DDX19B: variants seen among roughly 807,000 people sequenced by gnomAD.
The protein encoded by DDX19B is ATP-dependent RNA helicase DDX19B.
A neutral mutation model predicts 58.1 loss-of-function variants in DDX19B; 27 were observed. The ratio of observed to expected loss-of-function variants is 0.46; its 90% CI spans 0.34 to 0.64. The LOEUF (loss-of-function observed/expected upper bound fraction) is 0.64. Ranked by LOEUF, DDX19B falls within the 30% of genes least tolerant of loss-of-function variation. The pLI, the probability that DDX19B is intolerant of heterozygous loss-of-function variation, is 0.01. For missense variants in DDX19B, 399 were observed against 596.5 expected (o/e 0.67, Z 3.45); for synonymous variants, 187 against 214.4 (o/e 0.87, Z 1.12).
intron 2 of DDX19B, among the ~76,000 whole-genome samples, chr16:70,313,081 C>T (rs1400196449): frequency 1.3e-5 from 2 of 152,026 alleles, no homozygotes; most frequent in African/African-American, 2.4e-5. Flanking sequence ...TGCAGTGGCT[C>T]GATCTCGGCT....
intron 10 of DDX19B, 149 bp from the exon 11 acceptor site, chr16:70,332,819 C>T: frequency 6.9e-7 from 1 of 1,447,380 alleles, no homozygotes; most frequent in East Asian, 2.3e-5. Flanking sequence ...CACGGCCTTT[C>T]AGATCTGGCT....
In DDX19B at chr16:70,329,839, C is replaced by T. The variant is rs767658230; in HGVS notation, c.794C>T (p.Pro265Leu). 2.5e-6 allele frequency: 4 copies of T among 1,614,196 alleles called. No homozygotes were observed. Among genetic ancestry groups the T allele is most frequent in the Non-Finnish European group, 8.5e-7 (1 of 1,180,042 alleles). ...DQSIRIQRML[P>L]RNCQMLLFSA... ...AGGGCCTTCCCTTGCAGGATGCTGCCCAGGAACTGCCAGATGCTGCTTTTC... is the reference window on the plus strand; with the variant it reads ...AGGGCCTTCCCTTGCAGGATGCTGCTCAGGAACTGCCAGATGCTGCTTTTC... Residue 265 changes from proline to leucine, a missense_variant, in exon 9 of 12, where the codon CCC (proline) becomes CTC (leucine). This residue lies in a region of DDX19B where 198 missense variants were observed against 345.9 expected (regional missense o/e 0.57). Transcript: ENST00000288071.
chr16:70,326,852 T>A lies in DDX19B; in HGVS notation c.607+1164T>A, dbSNP rs530633990. On this transcript the variant is annotated intron_variant, in intron 7 of 11. Coordinates refer to ENST00000288071, the MANE Select transcript of DDX19B (RefSeq NM_007242.7). ...TGCCCAGACTTCTTTCTTTTTTTTT[T>A]GAGAGAGAGTCTCGCCCTGTCGCCC... is the stretch of plus-strand genomic sequence containing the variant. Among the ~76,000 whole-genome samples the A allele has an allele frequency of 3.8e-3, 569 of 147,900 alleles. 6 individuals carry two copies. Among genetic ancestry groups the A allele is most frequent in the African/African-American group, 0.013 (527 of 40,114 alleles).
At chr16:70,293,169 T>C (rs961525982), upstream of DDX19B, among the ~76,000 whole-genome samples, 64 of 152,070 alleles carry the variant, frequency 4.2e-4, no homozygotes, top group Admixed American at 2.8e-3. Flanking sequence ...TTAATCACCA[T>C]ACTTTGGGAT....
chr16:70,315,220 C>CA (rs765908935), intron 3 of DDX19B, among the ~76,000 whole-genome samples: 1,562 of 95,246 alleles, frequency 0.016, 8 homozygotes, highest in South Asian at 0.029. Flanking sequence ...ACTAAAAATA[C>CA]AAAAAAAAAA....
At chr16:70,320,752 T>C (rs1962740309) in intron 5 of DDX19B, among the ~76,000 whole-genome samples, 1 of 151,354 alleles carries the variant, frequency 6.6e-6, no homozygotes, top group Non-Finnish European at 1.5e-5. Flanking sequence ...AGAGATGGGG[T>C]TTCACCATGT....
At chr16:70,298,130 G>A (rs1013466606), upstream of DDX19B, among the ~76,000 whole-genome samples, 20 of 152,140 alleles carry the variant, frequency 1.3e-4, no homozygotes, top group Admixed American at 4.6e-4. Flanking sequence ...ACAAAAGGCC[G>A]GGTGCAGTGG....
At chr16:70,330,090 A>T (rs1366226321) in intron 9 of DDX19B, 22 bp downstream of exon 9, 1 of 1,613,446 alleles carries the variant, frequency 6.2e-7, no homozygotes, top group Non-Finnish European at 8.5e-7. Context: ...TGGCAGTGGC[A>T]GGCCTGGCCC....
intron 1 of DDX19B, among the ~76,000 whole-genome samples, chr16:70,301,986 T>C: frequency 6.6e-6 from 1 of 151,636 alleles, no homozygotes; most frequent in South Asian, 2.1e-4. Flanking sequence ...AATGGCACGA[T>C]CTTGGCTCAC....
rs771112830 is a variant in DDX19B at position 70,299,349 on chromosome 16, G to A, written c.52G>A (p.Glu18Lys). The A allele has an allele frequency of 1.2e-6, 2 of 1,608,312 alleles. No individual in the cohort carries two copies. Among genetic ancestry groups the A allele is most frequent in the Non-Finnish European group, 8.5e-7 (1 of 1,177,734 alleles). Reference protein sequence around the residue: ...LAVDEQEAAAESLSNLHLKEE... With the variant: ...LAVDEQEAAAKSLSNLHLKEE... ...GGTGGACGAGCAGGAAGCTGCGGCTGAGTCGGTGAGTTGGCTTCAGCCCTA... is the reference window on the plus strand; with the variant it reads ...GGTGGACGAGCAGGAAGCTGCGGCTAAGTCGGTGAGTTGGCTTCAGCCCTA... Residue 18 changes from glutamate to lysine, a missense_variant, in exon 1 of 12, where the codon GAG (glutamate) becomes AAG (lysine). This residue lies in a region of DDX19B where 132 missense variants were observed against 159.4 expected (regional missense o/e 0.83). Coordinates refer to ENST00000288071, the MANE Select transcript of DDX19B (RefSeq NM_007242.7).
intron 5 of DDX19B, among the ~76,000 whole-genome samples, chr16:70,322,891 CAAAAAAAA>C (rs113261271): frequency 8.3e-5 from 4 of 48,156 alleles, no homozygotes; most frequent in Admixed American, 6.9e-4. Context: ...AACTCCGTTG[CAAAAAAAA>C]AAAAAAAAAA....
intron 2 of DDX19B, among the ~76,000 whole-genome samples, chr16:70,314,040 C>T (rs1171955853): frequency 1.3e-5 from 2 of 151,756 alleles, no homozygotes; most frequent in Non-Finnish European, 2.9e-5. Context: ...ACCTGGGAGG[C>T]AGAGGTTGCA....
At chr16:70,332,426 G>C (rs541082950) in intron 10 of DDX19B, among the ~76,000 whole-genome samples, 221 of 152,178 alleles carry the variant, frequency 1.5e-3, no homozygotes, top group Non-Finnish European at 2.7e-3. Context: ...TCAGCCTCCC[G>C]AGTAGCTGGG....
At chr16:70,295,003 C>T, upstream of DDX19B, 2 of 1,369,308 alleles carry the variant, frequency 1.5e-6, no homozygotes, top group African/African-American at 1.5e-5. Flanking sequence ...AGAGGAATAA[C>T]AATATTTCTC....
chr16:70,316,573 T>C (rs1220978361), intron 4 of DDX19B, among the ~76,000 whole-genome samples: 1 of 152,146 alleles, frequency 6.6e-6, no homozygotes, highest in Non-Finnish European at 1.5e-5. Context: ...CCCAGCACTT[T>C]TGGAGGCCAA....
chr16:70,317,758 C>A, intron 5 of DDX19B, 170 bp downstream of exon 5: 1 of 423,056 alleles, frequency 2.4e-6, no homozygotes, highest in Non-Finnish European at 4.2e-6. Flanking sequence ...GGCGATGTAG[C>A]AAGACCCTGT....
intron 1 of DDX19B, among the ~76,000 whole-genome samples, chr16:70,304,084 G>A (rs977446063): frequency 4.0e-5 from 6 of 151,514 alleles, no homozygotes; most frequent in Non-Finnish European, 5.9e-5. Context: ...CTGTCTCCCA[G>A]GCTGGAGTGC....
At chr16:70,314,044 G>C (rs1466970104) in intron 2 of DDX19B, among the ~76,000 whole-genome samples, 1 of 152,110 alleles carries the variant, frequency 6.6e-6, no homozygotes, top group African/African-American at 2.4e-5. Flanking sequence ...GGGAGGCAGA[G>C]GTTGCAGTGA....
chr16:70,311,507 G>T (rs1369758638), intron 1 of DDX19B, among the ~76,000 whole-genome samples: 1 of 152,228 alleles, frequency 6.6e-6, no homozygotes, highest in Middle Eastern at 3.2e-3. Context: ...TCCTCAAGGA[G>T]CAGTAGAAAA....
Sources: gnomAD v4.1 joint callset for allele counts (sites outside exome capture counted in the v4.1 genomes callset) on GRCh38, gnomAD v4.1.1 for gene constraint, gnomAD v4.1.1 regional missense constraint, MANE v1.5 for transcripts, NCBI Gene and HGNC (gene_info 2026-07-23, HGNC 2026-07-21) for gene names.